Variants in ZNRF1 observed in about 807,000 individuals in gnomAD.
The protein encoded by ZNRF1 is E3 ubiquitin-protein ligase ZNRF1.
A neutral mutation model predicts 18.4 loss-of-function variants in ZNRF1; 3 were observed. The observed-to-expected ratio is 0.16, with a 90% CI of 0.07 to 0.42. The LOEUF is 0.42. Among genes scored for constraint, ZNRF1 ranks in the 10% least tolerant of loss-of-function variants. The pLI is 0.99. For synonymous variants in ZNRF1, 157 were observed against 144.2 expected (o/e 1.09, Z -0.64); for missense variants, 310 against 329.8 (o/e 0.94, Z 0.47).
intron 1 of ZNRF1, among the ~76,000 whole-genome samples, chr16:75,029,459 A>G (rs2035271355): frequency 6.6e-6 from 1 of 151,982 alleles, no homozygotes; most frequent in Non-Finnish European, 1.5e-5. Context: ...ACCTTTTCTT[A>G]AAAAACAAAA....
intron 1 of ZNRF1, among the ~76,000 whole-genome samples, chr16:75,022,871 G>T (rs145063632): frequency 6.6e-4 from 101 of 152,300 alleles, no homozygotes; most frequent in Non-Finnish European, 1.0e-3. Flanking sequence ...AGTCTAGGAG[G>T]TTCTCTTTAG....
chr16:75,095,813 C>T (rs1030621558), intron 2 of ZNRF1: 15 of 1,414,438 alleles, frequency 1.1e-5, no homozygotes, highest in Admixed American at 5.0e-5. Context: ...TCCCCCTGTC[C>T]CCCTCTGTAT....
intron 1 of ZNRF1, among the ~76,000 whole-genome samples, chr16:75,026,617 G>C (rs1438674538): frequency 6.6e-6 from 1 of 152,112 alleles, no homozygotes; most frequent in Non-Finnish European, 1.5e-5. Context: ...ATACAACAAA[G>C]TAGATCGTAA....
intron 1 of ZNRF1, among the ~76,000 whole-genome samples, chr16:75,025,675 G>T (rs1285927840): frequency 6.6e-6 from 1 of 152,164 alleles, no homozygotes; most frequent in Non-Finnish European, 1.5e-5. Context: ...CGTAAGAGGG[G>T]ATTCATAGGA....
chr16:75,058,101 CT>C (rs1224101592), intron 1 of ZNRF1, among the ~76,000 whole-genome samples: 3 of 78,810 alleles, frequency 3.8e-5, no homozygotes, highest in Non-Finnish European at 7.9e-5. Flanking sequence ...TTTTCCTTTC[CT>C]TTTCTTTTTT....
At chr16:75,082,068 G>T (rs919261843) in intron 1 of ZNRF1, among the ~76,000 whole-genome samples, 1 of 152,128 alleles carries the variant, frequency 6.6e-6, no homozygotes, top group African/African-American at 2.4e-5. Flanking sequence ...GGTAGAGATG[G>T]GGGTCTCACT....
intron 1 of ZNRF1, among the ~76,000 whole-genome samples, chr16:75,061,154 C>T (rs1214866075): frequency 6.6e-6 from 1 of 152,160 alleles, no homozygotes; most frequent in African/African-American, 2.4e-5. Flanking sequence ...CTTTGAGTTA[C>T]ACACGAAACA....
chr16:75,079,374 G>A (rs1180199192), intron 1 of ZNRF1, among the ~76,000 whole-genome samples: 1 of 152,190 alleles, frequency 6.6e-6, no homozygotes, highest in African/African-American at 2.4e-5. Context: ...CAGCTACTCG[G>A]GAGGCTGAGG....
chr16:75,061,062 G>A (rs1291440869), intron 1 of ZNRF1, among the ~76,000 whole-genome samples: 1 of 152,178 alleles, frequency 6.6e-6, no homozygotes, highest in Non-Finnish European at 1.5e-5. Context: ...TGGGGTACAT[G>A]AGATGTTTTG....
intron 1 of ZNRF1, chr16:75,000,409 A>G: frequency 1.8e-6 from 1 of 549,338 alleles, no homozygotes; most frequent in Non-Finnish European, 3.5e-6. Context: ...GCTGAGAGCA[A>G]GTCAGCCTGG....
intron 1 of ZNRF1, among the ~76,000 whole-genome samples, chr16:75,026,129 C>T (rs537360017): frequency 4.6e-5 from 7 of 152,286 alleles, no homozygotes; most frequent in African/African-American, 1.7e-4. Flanking sequence ...CCTCCCTCTT[C>T]TAGTGATCTG....
chr16:75,021,036 T>C (rs1567468233), intron 1 of ZNRF1, among the ~76,000 whole-genome samples: 2 of 152,066 alleles, frequency 1.3e-5, no homozygotes, highest in African/African-American at 4.8e-5. Flanking sequence ...TTCTACCTTG[T>C]TTTGTTTGTT....
At chr16:75,035,427 T>G (rs542632439) in intron 1 of ZNRF1, among the ~76,000 whole-genome samples, 176 of 152,350 alleles carry the variant, frequency 1.2e-3, no homozygotes, top group Non-Finnish European at 1.7e-3. Flanking sequence ...CATGCAATGG[T>G]GCGATCTTGT....
intron 1 of ZNRF1, among the ~76,000 whole-genome samples, chr16:75,068,500 T>G (rs2035831565): frequency 6.6e-6 from 1 of 152,184 alleles, no homozygotes; most frequent in African/African-American, 2.4e-5. Flanking sequence ...CTGATCCATA[T>G]CTACTGCTCC....
At chr16:75,042,935 A>G (rs1331328253) in intron 1 of ZNRF1, among the ~76,000 whole-genome samples, 1 of 152,198 alleles carries the variant, frequency 6.6e-6, no homozygotes, top group Non-Finnish European at 1.5e-5. Context: ...TGTTGGGTTT[A>G]ACAGCTAGTG....
chr16:75,060,701 T>G (rs1295099853), intron 1 of ZNRF1, among the ~76,000 whole-genome samples: 1 of 151,582 alleles, frequency 6.6e-6, no homozygotes, highest in Non-Finnish European at 1.5e-5. Flanking sequence ...GGTCTTGAGC[T>G]CCTTGACCTC....
At chr16:75,035,067 A>T (rs2035359718) in intron 1 of ZNRF1, among the ~76,000 whole-genome samples, 1 of 152,046 alleles carries the variant, frequency 6.6e-6, no homozygotes, top group African/African-American at 2.4e-5. Context: ...TCTTACTAAC[A>T]GTGCAGTGCG....
At chr16:75,014,763 A>T (rs573337313) in intron 1 of ZNRF1, among the ~76,000 whole-genome samples, 20 of 152,242 alleles carry the variant, frequency 1.3e-4, no homozygotes, top group East Asian at 1.2e-3. Context: ...CTCCTGAAAT[A>T]ACATATTTTT....
At chr16:75,043,495 AC>A (rs2035475181) in intron 1 of ZNRF1, among the ~76,000 whole-genome samples, 1 of 152,016 alleles carries the variant, frequency 6.6e-6, no homozygotes, top group South Asian at 2.1e-4. Context: ...CTTCTACCTC[AC>A]CAGGCCTTTT....
Sources: gnomAD v4.1 joint callset for allele counts (sites outside exome capture counted in the v4.1 genomes callset) on GRCh38, gnomAD v4.1.1 for gene constraint, MANE v1.5 for transcripts, NCBI Gene and HGNC (gene_info 2026-07-23, HGNC 2026-07-21) for gene names.